The following PHF8 variants were observed in gnomAD, a reference collection of about 807,000 sequenced individuals.
The protein encoded by PHF8 is histone lysine demethylase PHF8.
A neutral mutation model predicts 74.4 loss-of-function variants in PHF8; 9 were observed. The ratio of observed to expected loss-of-function variants is 0.12; its 90% CI spans 0.07 to 0.21. The LOEUF is 0.21. Ranked by LOEUF, PHF8 falls within the 10% of genes least tolerant of loss-of-function variation. PHF8 has a pLI of 1.00. For missense variants in PHF8, 478 were observed against 816.6 expected (o/e 0.59, Z 5.05); for synonymous variants, 311 against 316.6 (o/e 0.98, Z 0.19).
At chrX:54,031,875 C>G (rs1407153302) in intron 2 of PHF8, among the ~76,000 whole-genome samples, 6 of 111,854 alleles carry the variant, frequency 5.4e-5, no homozygotes, top group African/African-American at 2.0e-4. Flanking sequence ...AATACAGATT[C>G]CTAGGCCCCA....
Position 54,028,762 on chromosome X carries a change from C to T in PHF8, c.99-5919G>A, listed in dbSNP as rs969479115. Among the ~76,000 whole-genome samples, 68 of 112,169 alleles carry T rather than the reference C, an allele frequency of 6.1e-4. 1 individual carries two copies. The highest frequency in any genetic ancestry group is 8.5e-4 in the Non-Finnish European group (45 of 53,248). On this transcript the variant is annotated intron_variant, in intron 2 of 21. Transcript: ENST00000338154. ...CTCACCAGGCATTCAAGCCAGAAAC[C>T]TGGCAGCCATCACTGATTCACCTCT...
chrX:53,985,140 A>G lies in PHF8; in HGVS notation c.2217T>C (p.Ala739=), dbSNP rs1557099155. Residue 739 remains alanine (A), a synonymous_variant, in exon 18 of 22, where the codon GCT becomes GCC. Coordinates refer to ENST00000338154, the MANE Select transcript of PHF8 (RefSeq NM_015107.3). ...TCCACCAGGCCTGCAGGCTAGAGGTAGCCGGTGAGGACGATGAGGACTGCA... is the reference window on the plus strand; with the variant it reads ...TCCACCAGGCCTGCAGGCTAGAGGTGGCCGGTGAGGACGATGAGGACTGCA... ...ANLQSSSSSP[A]TSSLQAWWTG... The G allele has an allele frequency of 1.7e-6, 2 of 1,207,921 alleles. No individual in the cohort carries two copies. The highest frequency in any genetic ancestry group is 2.2e-6 in the Non-Finnish European group (2 of 893,101).
chrX:53,951,704 G>A (rs782330370), intron 19 of PHF8, among the ~76,000 whole-genome samples: 1 of 109,875 alleles, frequency 9.1e-6, no homozygotes, highest in East Asian at 2.9e-4. Flanking sequence ...CGCCCGCCTC[G>A]GCCTCCCAAA....
At chrX:53,953,982 A>G (rs1322691468) in intron 19 of PHF8, among the ~76,000 whole-genome samples, 4 of 111,873 alleles carry the variant, frequency 3.6e-5, no homozygotes, top group African/African-American at 1.3e-4. Flanking sequence ...AGACTTTGAG[A>G]CAAAAATCAT....
intron 12 of PHF8, among the ~76,000 whole-genome samples, chrX:53,994,292 G>A (rs2065713891): frequency 8.9e-6 from 1 of 112,415 alleles, no homozygotes; most frequent in Non-Finnish European, 1.9e-5. Context: ...GCTCAGGAAA[G>A]TTATCTGACC....
At chrX:53,955,118 A>G (rs781908202) in intron 19 of PHF8, among the ~76,000 whole-genome samples, 1 of 111,726 alleles carries the variant, frequency 9.0e-6, no homozygotes, top group South Asian at 3.7e-4. Flanking sequence ...GTACTTCTTG[A>G]TTTTTGGATA....
At chrX:54,043,363 A>T (rs913805217) in intron 1 of PHF8, among the ~76,000 whole-genome samples, 51 of 111,018 alleles carry the variant, frequency 4.6e-4, no homozygotes, top group African/African-American at 1.6e-3. Context: ...GCCCAACTCA[A>T]ATCACAGTTC....
At chrX:54,002,929 C>T (rs1188620431) in intron 8 of PHF8, among the ~76,000 whole-genome samples, 1 of 111,628 alleles carries the variant, frequency 9.0e-6, no homozygotes, top group East Asian at 2.8e-4. Flanking sequence ...GCCTTTTTCA[C>T]CCTTATTCTC....
intron 14 of PHF8, among the ~76,000 whole-genome samples, chrX:53,989,138 A>G (rs1557100640): frequency 9.1e-6 from 1 of 109,515 alleles, no homozygotes; most frequent in African/African-American, 3.3e-5. Flanking sequence ...AATTTTTATG[A>G]TTTTAGTAGA....
chrX:53,954,640 CAGAT>C (rs1429562575), intron 19 of PHF8, among the ~76,000 whole-genome samples: 1 of 37,954 alleles, frequency 2.6e-5, no homozygotes, highest in Non-Finnish European at 4.5e-5. Flanking sequence ...ATCTGGGTGA[CAGAT>C]ATATATATAT....
Position 53,937,696 on chromosome X carries a change from T to C in PHF8, c.*1462A>G. The C allele has an allele frequency of 3.3e-6, 1 of 298,746 alleles. No individual in the cohort carries two copies. Among genetic ancestry groups the C allele is most frequent in the African/African-American group, 2.7e-5 (1 of 37,211 alleles). The allele number at this position is 298,746 out of a possible 1,213,427, so 24.6% of individuals were successfully genotyped here. ...GAAAGACAAACTGGAGATACAAAGA[T>C]GACAAAAGAAGCCTCACAAATTCCC... On this transcript the variant is annotated 3_prime_UTR_variant, in exon 22 of 22. Transcript: ENST00000338154.
At chrX:54,036,985 C>T (rs1295378730) in intron 2 of PHF8, among the ~76,000 whole-genome samples, 1 of 96,787 alleles carries the variant, frequency 1.0e-5, no homozygotes, top group Non-Finnish European at 2.0e-5. Context: ...GGGCAACAGG[C>T]TGTTTCAGAA....
intron 18 of PHF8, among the ~76,000 whole-genome samples, chrX:53,966,565 G>A (rs1366539420): frequency 2.4e-4 from 26 of 107,528 alleles, no homozygotes; most frequent in African/African-American, 7.4e-4. Context: ...GTGCAGTGGC[G>A]TGATCTCGGC....
intron 4 of PHF8, among the ~76,000 whole-genome samples, chrX:54,020,980 C>T (rs147319123): frequency 1.0e-3 from 116 of 111,770 alleles, no homozygotes; most frequent in African/African-American, 3.6e-3. Context: ...ACTAAAAAGA[C>T]GAATGCACTG....
At chrX:53,984,883 G>A (rs782514592) in intron 18 of PHF8, 31 bp downstream of exon 18, 1 of 1,133,464 alleles carries the variant, frequency 8.8e-7, no homozygotes, top group Non-Finnish European at 1.2e-6. Context: ...GACCCCTTCT[G>A]GCCTGAACCC....
intron 18 of PHF8, among the ~76,000 whole-genome samples, chrX:53,964,984 T>C (rs113571962): frequency 0.13 from 14,062 of 110,608 alleles, 930 homozygotes; most frequent in African/African-American, 0.24. Flanking sequence ...GAAAAAGTTA[T>C]AGAGATCTGT....
chrX:53,959,202 A>G (rs1157031480), intron 19 of PHF8, among the ~76,000 whole-genome samples: 1 of 111,873 alleles, frequency 8.9e-6, no homozygotes, highest in East Asian at 2.8e-4. Context: ...ACAACAATGT[A>G]TATGTTAATA....
At chrX:53,972,527 A>G (rs781995247) in intron 18 of PHF8, among the ~76,000 whole-genome samples, 1 of 111,036 alleles carries the variant, frequency 9.0e-6, no homozygotes, top group South Asian at 3.8e-4. Context: ...TTCATCACAT[A>G]AACAGAACTA....
chrX:53,982,931 C>T (rs781888568), intron 18 of PHF8, among the ~76,000 whole-genome samples: 2 of 112,221 alleles, frequency 1.8e-5, no homozygotes, highest in Admixed American at 9.4e-5. Flanking sequence ...CAGTGGCTCA[C>T]GCCTATAATC....
Sources: allele counts gnomAD v4.1 joint callset (sites outside exome capture counted in the v4.1 genomes callset), GRCh38; gene constraint gnomAD v4.1.1; transcripts MANE v1.5; gene names NCBI Gene and HGNC (gene_info 2026-07-23, HGNC 2026-07-21).